Variants in ANKRD44 observed in about 807,000 individuals in gnomAD.
ANKRD44 encodes ankyrin repeat domain 44.
Under a neutral mutation model 116.0 loss-of-function variants are expected in ANKRD44, and 35 were observed. The observed-to-expected ratio is 0.30, with a 90% CI of 0.23 to 0.40. The LOEUF is 0.40. Among genes scored for constraint, ANKRD44 ranks in the 10% least tolerant of loss-of-function variants. ANKRD44 has a pLI of 1.00. For synonymous variants in ANKRD44, 435 were observed against 461.8 expected, an observed-to-expected ratio of 0.94 and a Z score of 0.74; for missense variants, 1,014 against 1,242.6, an observed-to-expected ratio of 0.82 and a Z score of 2.77.
chr2:197,043,393 G>C (rs1297879479), intron 16 of ANKRD44, among the ~76,000 whole-genome samples: 2 of 151,968 alleles, frequency 1.3e-5, no homozygotes, highest in Non-Finnish European at 2.9e-5. Context: ...TTTTTGTAGA[G>C]ATGGGGGTCT....
chr2:197,009,116 G>A (rs2076251801), intron 18 of ANKRD44, 85 bp from the exon 19 acceptor site: 2 of 1,149,042 alleles, frequency 1.7e-6, no homozygotes, highest in Admixed American at 1.8e-5. Flanking sequence ...TTTTTGAGAT[G>A]GAGTCTTGCT....
Position 197,089,995 on chromosome 2 carries a change from C to A in ANKRD44, c.1138G>T (p.Ala380Ser), listed in dbSNP as rs1297797335. The change falls in exon 11 of 28, where the codon GCC becomes TCC. Residue 380 changes from alanine (A) to serine (S), a missense_variant. Coordinates refer to ENST00000282272, the MANE Select transcript of ANKRD44 (RefSeq NM_001195144.2). ...CAGCAGTCAGAGTGAGCATTTAGGGCAGCTAAATGTAAAGGGAACATGCTA... is the reference window on the plus strand; with the variant it reads ...CAGCAGTCAGAGTGAGCATTTAGGGAAGCTAAATGTAAAGGGAACATGCTA... Reference protein sequence around the residue: ...IHSMFPLHLAALNAHSDCCRK... With the variant: ...IHSMFPLHLASLNAHSDCCRK... 11 of 1,613,886 alleles carry A rather than the reference C, an allele frequency of 6.8e-6. No individual in the cohort carries two copies. Among genetic ancestry groups the A allele is most frequent in the Non-Finnish European group, 7.6e-6 (9 of 1,179,942 alleles).
chr2:197,257,580 G>C (rs964872325), intron 1 of ANKRD44, among the ~76,000 whole-genome samples: 1 of 152,042 alleles, frequency 6.6e-6, no homozygotes, highest in Non-Finnish European at 1.5e-5. Context: ...ATAACTAAAA[G>C]AGTATAATTG....
At chr2:197,165,995 GAACA>G (rs2080092814) in intron 2 of ANKRD44, among the ~76,000 whole-genome samples, 1 of 152,136 alleles carries the variant, frequency 6.6e-6, no homozygotes, top group Non-Finnish European at 1.5e-5. Flanking sequence ...TTAGTAGAGG[GAACA>G]AACATAACTT....
downstream of ANKRD44, among the ~76,000 whole-genome samples, chr2:196,982,108 T>TTTTATATATATATATATATATATATA (rs150861089): frequency 0.03 from 2,881 of 96,062 alleles, 264 homozygotes; most frequent in African/African-American, 0.035. Flanking sequence ...CTAAAAAAAA[T>TTTTATATATATATATATATATATATA]TATATATATA....
chr2:197,146,974 T>A, intron 3 of ANKRD44, 53 bp downstream of exon 3: 2 of 1,525,662 alleles, frequency 1.3e-6, no homozygotes, highest in Non-Finnish European at 1.8e-6. Context: ...TCTAGTAAAT[T>A]GGTTATTTAA....
chr2:197,083,548 A>C, intron 13 of ANKRD44, 39 bp from the exon 14 acceptor site: 1 of 1,591,584 alleles, frequency 6.3e-7, no homozygotes, highest in South Asian at 1.1e-5. Flanking sequence ...CATTCAGTCT[A>C]GAAAACAGGC....
intron 16 of ANKRD44, among the ~76,000 whole-genome samples, chr2:197,028,379 C>T (rs1290966101): frequency 3.9e-5 from 6 of 152,280 alleles, no homozygotes; most frequent in African/African-American, 1.2e-4. Context: ...CAAGTCACCA[C>T]GCCTGGCTCT....
At chr2:197,225,642 C>G (rs1035772581) in intron 1 of ANKRD44, among the ~76,000 whole-genome samples, 1 of 152,114 alleles carries the variant, frequency 6.6e-6, no homozygotes, top group Non-Finnish European at 1.5e-5. Context: ...CCACGCCTGG[C>G]CAATCTGCAC....
chr2:196,979,554 C>CATTTTTTT (rs2075785197), intron 21 of ANKRD44, among the ~76,000 whole-genome samples: 5 of 59,644 alleles, frequency 8.4e-5, no homozygotes, highest in African/African-American at 2.6e-4. Flanking sequence ...AATAAGATGA[C>CATTTTTTT]TTTTTTTTTT....
At chr2:197,262,405 G>A (rs2697285) in intron 1 of ANKRD44, among the ~76,000 whole-genome samples, 125,615 of 152,176 alleles carry the variant, frequency 0.83, 51,975 homozygotes, top group South Asian at 0.9. Context: ...CTATTTACTG[G>A]CCACTGACAA....
chr2:196,979,554 C>CT (rs71012942), intron 21 of ANKRD44, among the ~76,000 whole-genome samples: 1,034 of 59,626 alleles, frequency 0.017, 50 homozygotes, highest in African/African-American at 0.032. Flanking sequence ...AATAAGATGA[C>CT]TTTTTTTTTT....
Position 197,179,263 on chromosome 2 carries a change from A to C in ANKRD44, c.111+7760T>G, listed in dbSNP as rs531131405. On this transcript the variant is annotated intron_variant, in intron 2 of 27. Transcript: ENST00000282272. ...CCCCTCATCAGTTTTCTTTTTCAAG[A>C]GTTTCCTAGCTAGTCTCACATGTTT... Among the ~76,000 whole-genome samples, 6 of 152,236 alleles carry C rather than the reference A, an allele frequency of 3.9e-5. No individual in the cohort carries two copies. In the East Asian group the frequency reaches 9.7e-4, roughly 25 times the overall value.
chr2:197,299,185 T>G (rs1322984681), intron 1 of ANKRD44, among the ~76,000 whole-genome samples: 6 of 152,208 alleles, frequency 3.9e-5, no homozygotes, highest in African/African-American at 1.4e-4. Flanking sequence ...CTCCATCTTT[T>G]TTTTTTCCTC....
chr2:197,234,099 C>T (rs1304683952), intron 1 of ANKRD44, among the ~76,000 whole-genome samples: 1 of 152,116 alleles, frequency 6.6e-6, no homozygotes, highest in Non-Finnish European at 1.5e-5. Flanking sequence ...GCCTCCATAG[C>T]CCCACCCATC....
chr2:197,117,531 C>A (rs1195232581), intron 8 of ANKRD44, among the ~76,000 whole-genome samples: 4 of 152,162 alleles, frequency 2.6e-5, no homozygotes, highest in Admixed American at 2.0e-4. Flanking sequence ...AGCCACCGCG[C>A]CTGGCCAATT....
intron 27 of ANKRD44, among the ~76,000 whole-genome samples, chr2:196,993,289 A>G (rs1166589801): frequency 1.3e-5 from 2 of 152,208 alleles, no homozygotes; most frequent in Non-Finnish European, 2.9e-5. Context: ...TTGAGTGTCA[A>G]CTTGAAACTC....
Position 196,987,445 on chromosome 2 carries a change from A to G in ANKRD44, c.*2146T>C. The G allele has an allele frequency of 3.0e-6, 3 of 985,410 alleles. No homozygotes were observed. Among genetic ancestry groups the G allele is most frequent in the Non-Finnish European group, 3.6e-6 (3 of 829,890 alleles). 61.0% of individuals were successfully genotyped at this position (985,410 alleles called of 1,614,324 possible). ...AAAGGCACTCTAACTTCATATTACA[A>G]GACAATAAAACGGATGAGTTCTTCA... On this transcript the variant is annotated 3_prime_UTR_variant, in exon 28 of 28. Coordinates refer to ENST00000282272, the MANE Select transcript of ANKRD44 (RefSeq NM_001195144.2).
At chr2:197,054,452 C>A (rs1362564804) in intron 16 of ANKRD44, among the ~76,000 whole-genome samples, 1 of 152,094 alleles carries the variant, frequency 6.6e-6, no homozygotes, top group Non-Finnish European at 1.5e-5. Context: ...ACAGATGTCA[C>A]AATTGAAAGG....
Sources: gnomAD v4.1 joint callset for allele counts (sites outside exome capture counted in the v4.1 genomes callset) on GRCh38, gnomAD v4.1.1 for gene constraint, MANE v1.5 for transcripts, NCBI Gene and HGNC (gene_info 2026-07-23, HGNC 2026-07-21) for gene names.